Variants in KANK2 observed in about 807,000 individuals in gnomAD.
KANK2 encodes the protein KN motif and ankyrin repeat domains 2, also known as KN motif and ankyrin repeat domain-containing protein 2.
In KANK2, 41 loss-of-function variants were observed where a neutral mutation model predicts 74.6. The observed-to-expected ratio is 0.55, with a 90% CI of 0.43 to 0.71. The LOEUF (loss-of-function observed/expected upper bound fraction) is 0.71. Ranked by LOEUF, KANK2 falls within the 30% of genes least tolerant of loss-of-function variation. The pLI, the probability that KANK2 is intolerant of heterozygous loss-of-function variation, is 0.00. For synonymous variants in KANK2, 537 were observed against 519.0 expected, an observed-to-expected ratio of 1.03 and a Z score of -0.47; for missense variants, 1,148 against 1,196.4, an observed-to-expected ratio of 0.96 and a Z score of 0.60.
chr19:11,191,951 TG>T (rs1272688496), intron 4 of KANK2, among the ~76,000 whole-genome samples: 1 of 152,072 alleles, frequency 6.6e-6, no homozygotes, highest in African/African-American at 2.4e-5. Context: ...CCCAGCTACT[TG>T]GGAGGCTAAG....
intron 12 of KANK2, among the ~76,000 whole-genome samples, chr19:11,166,870 CTG>C (rs767909512): frequency 2.6e-5 from 4 of 152,130 alleles, no homozygotes; most frequent in Non-Finnish European, 4.4e-5. Flanking sequence ...TCTCAGCTGA[CTG>C]TGAACGGCAT....
At chr19:11,190,089 G>A (rs981493260) in intron 4 of KANK2, among the ~76,000 whole-genome samples, 1 of 152,110 alleles carries the variant, frequency 6.6e-6, no homozygotes, top group African/African-American at 2.4e-5. Context: ...CCCTACCTTC[G>A]AGCCCTGCTG....
chr19:11,170,205 AC>A lies in KANK2; in HGVS notation c.2254del (p.Val752TrpfsTer59). On this transcript the variant is annotated frameshift_variant, in exon 11 of 13. Transcript: ENST00000586659. LOFTEE classifies it high-confidence loss of function. The surrounding 1 kb of genome is among the most constrained non-coding windows in gnomAD (Gnocchi z 5.2). ...GGCCAGCAGGGCTTTGACAACGTCCACCCGCCCGTGGCTGACGGCCAGCATC... is the reference window on the plus strand; with the variant it reads ...GGCCAGCAGGGCTTTGACAACGTCCACCGCCCGTGGCTGACGGCCAGCATC... ...ALMLAVSHGR[V>X]DVVKALLACE... 1.2e-6 allele frequency: 2 copies of A among 1,611,012 alleles called. No individual in the cohort carries two copies.
In KANK2 at chr19:11,193,921, G is replaced by A. The variant is rs776703187; in HGVS notation, c.159C>T (p.Ile53=). 3.7e-6 allele frequency: 6 copies of A among 1,613,822 alleles called. No homozygotes were observed. The highest frequency in any genetic ancestry group is 2.2e-5 in the East Asian group (1 of 44,884). Residue 53 remains isoleucine (I), a synonymous_variant, in exon 4 of 13, where the codon ATC becomes ATT. Transcript: ENST00000586659. The surrounding 1 kb of genome is among the most constrained non-coding windows in gnomAD (Gnocchi z 9.6). ...DLDFLKYVDD[I]EKGHTLRRVA... is the part of the protein sequence containing the mutation. ...CGCGTCGCAGCGTGTGGCCCTTCTC[G>A]ATGTCATCCACGTACTTGAGGAAGT...
intron 1 of KANK2, 63 bp from the exon 2 acceptor site, chr19:11,195,883 T>C (rs1568656006): frequency 6.6e-6 from 1 of 150,586 alleles, no homozygotes; most frequent in Non-Finnish European, 1.5e-5. Context: ...GGCTCACCCC[T>C]GAGCAACAGA....
intron 4 of KANK2, among the ~76,000 whole-genome samples, chr19:11,185,175 TTTG>T (rs1275505345): frequency 2.0e-5 from 3 of 147,726 alleles, no homozygotes; most frequent in Non-Finnish European, 4.5e-5. Context: ...ATCCCAGCAC[TTTG>T]GGGGGCCGAG....
chr19:11,173,273 T>A, intron 9 of KANK2, 150 bp from the exon 10 acceptor site: 1 of 745,942 alleles, frequency 1.3e-6, no homozygotes, highest in Non-Finnish European at 2.0e-6. Context: ...GAGGTCTCCA[T>A]CTCCATTAGA....
At chr19:11,169,508 A>C (rs2078112598) in intron 12 of KANK2, among the ~76,000 whole-genome samples, 1 of 151,896 alleles carries the variant, frequency 6.6e-6, no homozygotes, top group Non-Finnish European at 1.5e-5. Context: ...ACCCAGTCTG[A>C]AAACAAAAAC....
chr19:11,190,409 T>C (rs757837288), intron 4 of KANK2, among the ~76,000 whole-genome samples: 33 of 152,138 alleles, frequency 2.2e-4, no homozygotes, highest in Non-Finnish European at 4.4e-4. Context: ...ATTACAGGCC[T>C]GATGTTCTGG....
Position 11,170,044 on chromosome 19 carries a change from TCA to T in KANK2, c.2412+2_2412+3del. 1 of 1,612,976 alleles carries T rather than the reference TCA, an allele frequency of 6.2e-7. No homozygotes were observed. Among genetic ancestry groups the T allele is most frequent in the Non-Finnish European group, 8.5e-7 (1 of 1,179,024 alleles). The stretch of plus-strand genomic sequence containing the variant: ...CCCCGGGGTGCACCTGGTTGGAGAC[TCA>T]CGCGATCTGTGAGTGAGATGTCACA... On this transcript the variant is annotated splice_donor_variant and splice_donor_region_variant and intron_variant, in intron 11 of 12. Transcript: ENST00000586659. LOFTEE classifies it high-confidence loss of function. This position sits in a 1 kb window ranked among gnomAD's most constrained non-coding sequence, Gnocchi z 5.2.
At chr19:11,179,356 T>C (rs1318619591) in intron 4 of KANK2, among the ~76,000 whole-genome samples, 16 of 143,296 alleles carry the variant, frequency 1.1e-4, no homozygotes, top group Non-Finnish European at 2.3e-4. Flanking sequence ...CACGTCTTGG[T>C]GGCCAGGCAC....
At position 11,170,049 on chromosome 19, in the gene KANK2, C is replaced by T. The variant is rs879250548; in HGVS notation, c.2411G>A (p.Arg804His). ...VPSCDISLTDRDGSTALMVAL... is the reference protein window; with the variant it reads ...VPSCDISLTDHDGSTALMVAL... ...GGGTGCACCTGGTTGGAGACTCACG[C>T]GATCTGTGAGTGAGATGTCACAGCT... The change falls in exon 11 of 13, where the codon CGC becomes CAC. Residue 804 changes from arginine (R) to histidine (H), a missense_variant and splice_region_variant. Transcript: ENST00000586659. The surrounding 1 kb of genome is among the most constrained non-coding windows in gnomAD (Gnocchi z 5.2). 19 of 1,613,040 alleles carry T rather than the reference C, an allele frequency of 1.2e-5. No individual in the cohort carries two copies. The highest frequency in any genetic ancestry group is 4.4e-5 in the South Asian group (4 of 91,072).
chr19:11,176,409 G>A (rs1300721047), intron 7 of KANK2, among the ~76,000 whole-genome samples, 169 bp downstream of exon 7: 2 of 152,174 alleles, frequency 1.3e-5, no homozygotes, highest in Non-Finnish European at 2.9e-5. Flanking sequence ...CTTTAGCAAA[G>A]CCTCCAGAAC....
chr19:11,190,801 G>A (rs1282501648), intron 4 of KANK2, among the ~76,000 whole-genome samples: 1 of 152,112 alleles, frequency 6.6e-6, no homozygotes, highest in Non-Finnish European at 1.5e-5. Flanking sequence ...CACAATCTCA[G>A]CTCACTGCAA....
intron 10 of KANK2, among the ~76,000 whole-genome samples, chr19:11,171,886 G>C (rs1249961076): frequency 6.7e-6 from 1 of 149,816 alleles, no homozygotes; most frequent in African/African-American, 2.5e-5. Context: ...ATGTTGATTA[G>C]GCTGGTCTCA....
Position 11,184,595 on chromosome 19 carries a change from G to A in KANK2, c.1250-5875C>T, listed in dbSNP as rs73925130. ...GTGGCATAGTTCTAACACAAAACCAGTCACAGACAGTATGTAAGTGATTCC... is the reference window on the plus strand; with the variant it reads ...GTGGCATAGTTCTAACACAAAACCAATCACAGACAGTATGTAAGTGATTCC... On this transcript the variant is annotated intron_variant, in intron 4 of 12. Transcript: ENST00000586659. 4.2e-3 allele frequency among the ~76,000 whole-genome samples: 625 copies of A among 149,540 alleles called. 30 individuals carry two copies. Among genetic ancestry groups the A allele is most frequent in the African/African-American group, 0.015 (601 of 40,668 alleles).
intron 10 of KANK2, 124 bp downstream of exon 10, chr19:11,172,857 G>T: frequency 9.8e-7 from 1 of 1,019,152 alleles, no homozygotes; most frequent in Non-Finnish European, 1.5e-6. Flanking sequence ...CTGTGTCAGA[G>T]ACAGCCTGGC....
intron 4 of KANK2, among the ~76,000 whole-genome samples, chr19:11,182,040 C>A (rs1014219786): frequency 2.6e-5 from 4 of 151,296 alleles, no homozygotes; most frequent in African/African-American, 7.3e-5. Context: ...GCCTCAGCCT[C>A]CTGAGTAGCT....
chr19:11,172,981 C>T lies in KANK2; in HGVS notation c.2211G>A (p.Gln737=), dbSNP rs2078219876. The change falls in exon 10 of 13, where the codon CAG becomes CAA. Residue 737 remains glutamine (Q), a splice_region_variant and synonymous_variant. Transcript: ENST00000586659. The stretch of plus-strand genomic sequence containing the variant: ...TCTGCAGCAGCCGGGGTCCCCATAC[C>T]TGGCTGGCTTTGGCATTGATGTTGC... The part of the protein sequence containing the change: ...RLGNINAKAS[Q]AGQTALMLAV... 1 of 1,613,032 alleles carries T rather than the reference C, an allele frequency of 6.2e-7. No homozygotes were observed. Among genetic ancestry groups the T allele is most frequent in the South Asian group, 1.1e-5 (1 of 91,002 alleles).
Sources: gnomAD v4.1 joint callset for allele counts (sites outside exome capture counted in the v4.1 genomes callset) on GRCh38, gnomAD v4.1.1 for gene constraint, Gnocchi (gnomAD v3.1) non-coding constraint, MANE v1.5 for transcripts, NCBI Gene and HGNC (gene_info 2026-07-23, HGNC 2026-07-21) for gene names.